NSUN7: variants seen among roughly 807,000 people sequenced by gnomAD.
The protein encoded by NSUN7 is protein NSUN7.
Under a neutral mutation model 58.5 loss-of-function variants are expected in NSUN7, and 39 were observed. The ratio of observed to expected loss-of-function variants is 0.67; its 90% CI spans 0.52 to 0.87. The LOEUF is 0.87. Among genes scored for constraint, NSUN7 ranks in the 40% least tolerant of loss-of-function variants. The pLI is 0.00. For synonymous variants in NSUN7, 278 were observed against 303.7 expected (o/e 0.92, Z 0.88); for missense variants, 765 against 844.1 (o/e 0.91, Z 1.16).
At position 40,810,560 on chromosome 4, in the gene NSUN7, A is replaced by G. The variant is rs1434904925; in HGVS notation, c.*1621A>G. On this transcript the variant is annotated 3_prime_UTR_variant, in exon 12 of 12. Coordinates refer to ENST00000381782, the MANE Select transcript of NSUN7 (RefSeq NM_024677.6). The stretch of plus-strand genomic sequence containing the variant: ...CCCACTGCACTCCAGCCTGGGAAGC[A>G]GAGTGAGACCTTGCCTCAAAAAAAA... 7.2e-6 allele frequency: 1 copy of G among 138,352 alleles called. No individual in the cohort carries two copies. Among genetic ancestry groups the G allele is most frequent in the Non-Finnish European group, 1.5e-5 (1 of 65,270 alleles). The allele number at this position is 138,352 out of a possible 1,614,324, so 8.6% of individuals were successfully genotyped here.
In NSUN7 at chr4:40,810,856, C is replaced by G. The variant is rs973572093; in HGVS notation, c.*1917C>G. 4 of 152,162 alleles carry G rather than the reference C, an allele frequency of 2.6e-5. No individual in the cohort carries two copies. The highest frequency in any genetic ancestry group is 9.7e-5 in the African/African-American group (4 of 41,442). 9.4% of individuals were successfully genotyped at this position (152,162 alleles called of 1,614,324 possible). A position where few individuals can be genotyped will look rare whatever the true frequency, so the allele number is the denominator to read the frequency against. Reference sequence around the variant, plus strand: ...CCATGCCTCAAGGAAGGCGGTGCAGCTTAATTTAACATATTGTTCAGTAAA... The same window carrying G: ...CCATGCCTCAAGGAAGGCGGTGCAGGTTAATTTAACATATTGTTCAGTAAA... On this transcript the variant is annotated 3_prime_UTR_variant, in exon 12 of 12. Transcript: ENST00000381782.
Position 40,750,660 on chromosome 4 carries a change from A to C in NSUN7, c.-34A>C, listed in dbSNP as rs1268861420. 1 of 1,603,324 alleles carries C rather than the reference A, an allele frequency of 6.2e-7. No homozygotes were observed. Among genetic ancestry groups the C allele is most frequent in the Non-Finnish European group, 8.5e-7 (1 of 1,173,654 alleles). ...CCTGGAACATCGGAATTCTAACCCC[A>C]GGGTGAAGGACTCACGACAGGCGAG... On this transcript the variant is annotated 5_prime_UTR_variant, in exon 2 of 12. Transcript: ENST00000381782.
intron 10 of NSUN7, among the ~76,000 whole-genome samples, chr4:40,800,174 C>G (rs1253465694): frequency 6.6e-6 from 1 of 152,148 alleles, no homozygotes; most frequent in Non-Finnish European, 1.5e-5. Context: ...TCTTTACTCA[C>G]TTGTGGGGTG....
At chr4:40,772,048 T>C (rs1332886969) in intron 4 of NSUN7, among the ~76,000 whole-genome samples, 1 of 152,072 alleles carries the variant, frequency 6.6e-6, no homozygotes, top group Non-Finnish European at 1.5e-5. Context: ...GCCCTAAGTC[T>C]AATATAGTAT....
rs1177134134 is a variant in NSUN7 at position 40,808,300 on chromosome 4, A to T, written c.1525-7A>T. 2.5e-6 allele frequency: 4 copies of T among 1,588,284 alleles called. No homozygotes were observed. In the African/African-American group the frequency reaches 5.4e-5, roughly 22 times the overall value. ...CCCACATTTAGTAAATGCTTCTTTA[A>T]TTGCAGCGGGACCCTTCTGAGACAG... On this transcript the variant is annotated splice_region_variant and splice_polypyrimidine_tract_variant and intron_variant, in intron 11 of 11. Coordinates refer to ENST00000381782, the MANE Select transcript of NSUN7 (RefSeq NM_024677.6).
Position 40,808,995 on chromosome 4 carries a change from G to A in NSUN7, c.*56G>A. ...GCAGTTGATTTTTTTTCAAAGTCTAGTATTTCTCTGAAGATTCTACATCTC... is the reference window on the plus strand; with the variant it reads ...GCAGTTGATTTTTTTTCAAAGTCTAATATTTCTCTGAAGATTCTACATCTC... On this transcript the variant is annotated 3_prime_UTR_variant, in exon 12 of 12. Coordinates refer to ENST00000381782, the MANE Select transcript of NSUN7 (RefSeq NM_024677.6). 2 of 1,432,400 alleles carry A rather than the reference G, an allele frequency of 1.4e-6. No homozygotes were observed. Among genetic ancestry groups the A allele is most frequent in the South Asian group, 1.5e-5 (1 of 67,824 alleles). 88.7% of individuals were successfully genotyped at this position (1,432,400 alleles called of 1,614,324 possible).
Position 40,809,059 on chromosome 4 carries a change from T to C in NSUN7, c.*120T>C. On this transcript the variant is annotated 3_prime_UTR_variant, in exon 12 of 12. Transcript: ENST00000381782. ...CATTCTTTTGGTCACCTAGGGATCT[T>C]CTAAGTGTGATATTACTTTCAGAGA... The C allele has an allele frequency of 9.7e-7, 1 of 1,030,640 alleles. No individual in the cohort carries two copies. The highest frequency in any genetic ancestry group is 1.4e-6 in the Non-Finnish European group (1 of 736,300). 63.8% of individuals were successfully genotyped at this position (1,030,640 alleles called of 1,614,324 possible). A position where few individuals can be genotyped will look rare whatever the true frequency, so the allele number is the denominator to read the frequency against.
In NSUN7 at chr4:40,750,752, C is replaced by T. The variant is rs751883004; in HGVS notation, c.59C>T (p.Ser20Phe). 9 of 1,614,064 alleles carry T rather than the reference C, an allele frequency of 5.6e-6. No homozygotes were observed. Among genetic ancestry groups the T allele is most frequent in the African/African-American group, 1.3e-5 (1 of 74,926 alleles). Residue 20 changes from serine (S) to phenylalanine (F), a missense_variant, in exon 2 of 12, where the codon TCC (serine) becomes TTC (phenylalanine). Ser to Phe is a radical substitution (Grantham distance 155, BLOSUM62 -2). Transcript: ENST00000381782. ...AACGAAGAAGATCCCGAGATCATCT[C>T]CCAACTCACTTCCCTGCCTCTGTCC... Reference protein sequence around the residue: ...FSNEEDPEIISQLTSLPLSGG... With the variant: ...FSNEEDPEIIFQLTSLPLSGG...
At chr4:40,778,491 C>T (rs1197251414) in intron 7 of NSUN7, among the ~76,000 whole-genome samples, 1 of 152,172 alleles carries the variant, frequency 6.6e-6, no homozygotes, top group African/African-American at 2.4e-5. Context: ...GGGATTAGTG[C>T]CGTTACGAAG....
chr4:40,795,416 A>G (rs901782838), intron 9 of NSUN7, among the ~76,000 whole-genome samples: 1 of 152,220 alleles, frequency 6.6e-6, no homozygotes, highest in African/African-American at 2.4e-5. Context: ...GATCTAGGAA[A>G]TAAGTTGATT....
Position 40,808,858 on chromosome 4 carries a change from A to C in NSUN7, c.2076A>C (p.Thr692=). The change falls in exon 12 of 12, where the codon ACA becomes ACC. Residue 692 remains threonine, a synonymous_variant. Transcript: ENST00000381782. Reference sequence around the variant, plus strand: ...CACTTGTGCCCACCTGCCTTCCCACACACTCACTATCCAGAAAAGAGGAAA... The same window carrying C: ...CACTTGTGCCCACCTGCCTTCCCACCCACTCACTATCCAGAAAAGAGGAAA... ...PKALVPTCLP[T]HSLSRKEEKP... 6.5e-7 allele frequency: 1 copy of C among 1,548,540 alleles called. No homozygotes were observed. Among genetic ancestry groups the C allele is most frequent in the Non-Finnish European group, 8.7e-7 (1 of 1,146,646 alleles).
chr4:40,759,359 A>G (rs1352286184), intron 2 of NSUN7, among the ~76,000 whole-genome samples: 1 of 152,208 alleles, frequency 6.6e-6, no homozygotes, highest in Non-Finnish European at 1.5e-5. Context: ...TGATGTATAT[A>G]TAGTTTAAGT....
At chr4:40,795,333 A>G (rs769558936) in intron 9 of NSUN7, among the ~76,000 whole-genome samples, 64 of 152,206 alleles carry the variant, frequency 4.2e-4, no homozygotes, top group Non-Finnish European at 7.6e-4. Flanking sequence ...ATAAGTAAAT[A>G]GAAAGCACAG....
At chr4:40,751,818 TCTC>T (rs1740848858) in intron 2 of NSUN7, among the ~76,000 whole-genome samples, 1 of 151,898 alleles carries the variant, frequency 6.6e-6, no homozygotes, top group Non-Finnish European at 1.5e-5. Flanking sequence ...TATAGTGAGA[TCTC>T]CTCTCTACAA....
At chr4:40,770,522 A>G (rs950982829) in intron 4 of NSUN7, among the ~76,000 whole-genome samples, 3 of 152,224 alleles carry the variant, frequency 2.0e-5, no homozygotes, top group African/African-American at 7.2e-5. Flanking sequence ...TGGGACCACC[A>G]TCATAAACAG....
chr4:40,788,737 C>A (rs11736648), intron 7 of NSUN7, among the ~76,000 whole-genome samples: 2 of 152,010 alleles, frequency 1.3e-5, no homozygotes, highest in Non-Finnish European at 2.9e-5. Flanking sequence ...TAACCGTGCC[C>A]TCTTCTCAGA....
intron 4 of NSUN7, chr4:40,773,250 A>G (rs1742097578): frequency 6.6e-6 from 1 of 152,248 alleles, no homozygotes; most frequent in Non-Finnish European, 1.5e-5. Flanking sequence ...TAAGTTGACC[A>G]CCTTTAACAG....
At chr4:40,772,896 G>A (rs956373867) in intron 4 of NSUN7, among the ~76,000 whole-genome samples, 1 of 152,140 alleles carries the variant, frequency 6.6e-6, no homozygotes, top group Non-Finnish European at 1.5e-5. Context: ...GTTGATTTCA[G>A]TTAGATTTCT....
At chr4:40,777,096 T>C (rs1214145070) in intron 7 of NSUN7, among the ~76,000 whole-genome samples, 1 of 152,212 alleles carries the variant, frequency 6.6e-6, no homozygotes, top group Non-Finnish European at 1.5e-5. Context: ...AGAGGTAGCC[T>C]GGTAAATACT....
Sources: gnomAD v4.1 joint callset for allele counts (sites outside exome capture counted in the v4.1 genomes callset) on GRCh38, gnomAD v4.1.1 for gene constraint, MANE v1.5 for transcripts, NCBI Gene and HGNC (gene_info 2026-07-23, HGNC 2026-07-21) for gene names.